DLGAP2: variants seen among roughly 807,000 people sequenced by gnomAD.
DLGAP2 encodes DLG associated protein 2.
In DLGAP2, 26 loss-of-function variants were observed where a neutral mutation model predicts 100.3. The observed-to-expected ratio is 0.26, with a 90% CI of 0.19 to 0.36. DLGAP2 has a LOEUF of 0.36. Ranked by LOEUF, DLGAP2 falls within the 10% of genes least tolerant of loss-of-function variation. DLGAP2 has a pLI of 1.00. For synonymous variants in DLGAP2, 886 were observed against 630.1 expected, an observed-to-expected ratio of 1.41 and a Z score of -6.08; for missense variants, 1,858 against 1,453.2, an observed-to-expected ratio of 1.28 and a Z score of -4.53.
chr8:740,117 G>A (rs1038996511), intron 1 of DLGAP2: 4 of 152,126 alleles, frequency 2.6e-5, no homozygotes, highest in African/African-American at 7.2e-5. Flanking sequence ...GATCTACCGC[G>A]TCAAATCTGT....
chr8:911,916 G>T (rs937848326), intron 2 of DLGAP2, among the ~76,000 whole-genome samples: 2 of 152,204 alleles, frequency 1.3e-5, no homozygotes, highest in African/African-American at 4.8e-5. Flanking sequence ...AGATGATCTG[G>T]CTTCCTTCCC....
chr8:1,031,808 G>T (rs981035572), intron 2 of DLGAP2, among the ~76,000 whole-genome samples: 8 of 152,214 alleles, frequency 5.3e-5, no homozygotes, highest in Non-Finnish European at 7.3e-5. Context: ...AAATCATTAT[G>T]ATTCTTAGAA....
chr8:1,414,475 G>A (rs1563132063), intron 3 of DLGAP2, among the ~76,000 whole-genome samples: 1 of 152,256 alleles, frequency 6.6e-6, no homozygotes, highest in African/African-American at 2.4e-5. Context: ...GGACTGACCA[G>A]GCCGGGGGTC....
intron 3 of DLGAP2, among the ~76,000 whole-genome samples, chr8:1,384,165 C>A (rs558113319): frequency 4.7e-4 from 72 of 152,378 alleles, no homozygotes; most frequent in African/African-American, 1.4e-3. Context: ...GTGAAAGTTA[C>A]TGTGACCAAA....
chr8:1,237,269 G>C (rs1197578582), intron 2 of DLGAP2, among the ~76,000 whole-genome samples: 1 of 130,960 alleles, frequency 7.6e-6, no homozygotes, highest in Admixed American at 7.6e-5. Context: ...GCTATGTCTA[G>C]ATCTCTCTCA....
intron 4 of DLGAP2, among the ~76,000 whole-genome samples, chr8:1,523,106 G>C (rs532195297): frequency 2.6e-4 from 40 of 151,924 alleles, no homozygotes; most frequent in Non-Finnish European, 4.1e-4. Context: ...GGCATCTCCT[G>C]GGACCTGGGA....
rs182986503 is a variant in DLGAP2, at chr8:937,523, C to T, written c.73+29557C>T. Among the ~76,000 whole-genome samples the T allele has an allele frequency of 3.9e-5, 6 of 152,202 alleles. No homozygotes were observed. The East Asian group carries it at 9.7e-4, about 25-fold the overall frequency. On this transcript the variant is annotated intron_variant, in intron 2 of 14. Transcript: ENST00000637795. ...GCCAAAAACAACACAGTGGAAAGAC[C>T]CTCAGCTCTGTGGATGGTGGGGTGC... is the stretch of plus-strand genomic sequence containing the variant.
At chr8:1,334,228 C>T (rs1801221226) in intron 3 of DLGAP2, among the ~76,000 whole-genome samples, 1 of 152,236 alleles carries the variant, frequency 6.6e-6, no homozygotes, top group Non-Finnish European at 1.5e-5. Flanking sequence ...CAGCTTTTGG[C>T]TGCACACCTG....
rs1799762694 is a variant in DLGAP2 at position 1,708,440 on chromosome 8, G to A, written c.*7034G>A. The A allele has an allele frequency of 6.6e-6, 1 of 152,204 alleles. No individual in the cohort carries two copies. Among genetic ancestry groups the A allele is most frequent in the Admixed American group, 6.5e-5 (1 of 15,280 alleles). The allele number at this position is 152,204 out of a possible 1,614,324, so 9.4% of individuals were successfully genotyped here. On this transcript the variant is annotated 3_prime_UTR_variant, in exon 15 of 15. Coordinates refer to ENST00000637795, the MANE Select transcript of DLGAP2 (RefSeq NM_001346810.2). Reference sequence around the variant, plus strand: ...GTATGCAAAATGGTATAGATTAAATGAGTTTTTAATTAATAAATCCTACAG... The same window carrying A: ...GTATGCAAAATGGTATAGATTAAATAAGTTTTTAATTAATAAATCCTACAG...
At chr8:935,532 T>A (rs1187857886) in intron 2 of DLGAP2, among the ~76,000 whole-genome samples, 1 of 152,226 alleles carries the variant, frequency 6.6e-6, no homozygotes, top group African/African-American at 2.4e-5. Flanking sequence ...ATGGTTTTAA[T>A]GTAGTTAATA....
chr8:1,029,305 G>C (rs1040998024), intron 2 of DLGAP2, among the ~76,000 whole-genome samples: 1 of 152,212 alleles, frequency 6.6e-6, no homozygotes, highest in Non-Finnish European at 1.5e-5. Context: ...ATTAGGGCGA[G>C]AAGAGTACAA....
rs772857180 is a variant in DLGAP2 at position 1,548,971 on chromosome 8, G to A, written c.518G>A (p.Arg173His). Residue 173 changes from arginine (R) to histidine (H), a missense_variant, in exon 5 of 15, where the codon CGC becomes CAC. Physicochemically the swap from Arg to His is conservative, Grantham distance 29. Transcript: ENST00000637795. ...RMHYSSHYDTRDDCAVAHAGA... is the reference protein window; with the variant it reads ...RMHYSSHYDTHDDCAVAHAGA... Reference sequence around the variant, plus strand: ...CACTACAGCTCGCACTACGACACGCGCGACGACTGCGCTGTGGCCCACGCG... The same window carrying A: ...CACTACAGCTCGCACTACGACACGCACGACGACTGCGCTGTGGCCCACGCG... 19 of 1,598,818 alleles carry A rather than the reference G, an allele frequency of 1.2e-5. No homozygotes were observed. The highest frequency in any genetic ancestry group is 3.3e-5 in the South Asian group (3 of 90,896).
At chr8:1,271,506 G>A (rs115626099) in intron 3 of DLGAP2, among the ~76,000 whole-genome samples, 411 of 152,178 alleles carry the variant, frequency 2.7e-3, no homozygotes, top group African/African-American at 9.4e-3. Context: ...TCTGAGTACC[G>A]AGGAAACACA....
chr8:1,184,623 G>T (rs1347345165), intron 2 of DLGAP2, among the ~76,000 whole-genome samples: 1 of 152,184 alleles, frequency 6.6e-6, no homozygotes, highest in Non-Finnish European at 1.5e-5. Context: ...GCCGAGCCTG[G>T]GGCTGGAGTG....
intron 2 of DLGAP2, among the ~76,000 whole-genome samples, chr8:1,194,135 A>G (rs1190374226): frequency 6.6e-6 from 1 of 152,080 alleles, no homozygotes; most frequent in Non-Finnish European, 1.5e-5. Flanking sequence ...AAAGTGAGTA[A>G]GACACAGTCC....
At chr8:1,125,771 T>G (rs1796149846) in intron 2 of DLGAP2, among the ~76,000 whole-genome samples, 7 of 152,262 alleles carry the variant, frequency 4.6e-5, no homozygotes, top group African/African-American at 1.4e-4. Context: ...TTTGGGAATT[T>G]GAAAGCAAAA....
At position 1,549,394 on chromosome 8, in the gene DLGAP2, T is replaced by G; in HGVS notation, c.941T>G (p.Val314Gly). The G allele has an allele frequency of 6.2e-7, 1 of 1,613,366 alleles. No individual in the cohort carries two copies. Among genetic ancestry groups the G allele is most frequent in the Non-Finnish European group, 8.5e-7 (1 of 1,179,780 alleles). ...GACAGCACCTATCGGACGCCCAGCG[T>G]GCTCAACCGGCACCACCTGGGCCCC... ...DSDSTYRTPS[V>G]LNRHHLGPVA... The change falls in exon 5 of 15, where the codon GTG becomes GGG. Residue 314 changes from valine (V) to glycine (G), a missense_variant. Physicochemically the swap from Val to Gly is moderately radical, Grantham distance 109. Transcript: ENST00000637795.
chr8:887,781 C>G (rs1797951304), intron 1 of DLGAP2, among the ~76,000 whole-genome samples: 1 of 152,126 alleles, frequency 6.6e-6, no homozygotes, highest in Admixed American at 6.5e-5. Flanking sequence ...GTGACTTGGC[C>G]TTTCTGTCTG....
chr8:918,231 C>T (rs137955868), intron 2 of DLGAP2, among the ~76,000 whole-genome samples: 1 of 152,150 alleles, frequency 6.6e-6, no homozygotes, highest in South Asian at 2.1e-4. Flanking sequence ...TGTGCATGCA[C>T]TTACTGGAAA....
Sources: allele counts gnomAD v4.1 joint callset (sites outside exome capture counted in the v4.1 genomes callset), GRCh38; gene constraint gnomAD v4.1.1; transcripts MANE v1.5; gene names NCBI Gene and HGNC (gene_info 2026-07-23, HGNC 2026-07-21).